NFXL1: variants seen among roughly 807,000 people sequenced by gnomAD.
The protein encoded by NFXL1 is nuclear transcription factor, X-box binding like 1, also known as NF-X1-type zinc finger protein NFXL1.
A neutral mutation model predicts 123.3 loss-of-function variants in NFXL1; 66 were observed. The observed-to-expected ratio is 0.54, with a 90% confidence interval of 0.44 to 0.66. NFXL1 has a LOEUF of 0.66. NFXL1 is among the 30% of genes least tolerant of loss of function. NFXL1 has a pLI of 0.00. For synonymous variants in NFXL1, 346 were observed against 360.8 expected (o/e 0.96, Z 0.46); for missense variants, 944 against 1,125.6 (o/e 0.84, Z 2.31).
At chr4:47,859,872 AAAC>A (rs1387023312) in intron 19 of NFXL1, among the ~76,000 whole-genome samples, 4 of 38,396 alleles carry the variant, frequency 1.0e-4, no homozygotes, top group Admixed American at 3.4e-4. Context: ...AAAAAAAAAC[AAAC>A]AAACAAAAAA....
intron 20 of NFXL1, among the ~76,000 whole-genome samples, chr4:47,854,322 T>TA (rs1734283882): frequency 6.6e-6 from 1 of 152,174 alleles, no homozygotes; most frequent in African/African-American, 2.4e-5. Context: ...AAAAAGGAGT[T>TA]ACGACTATAA....
chr4:47,893,852 G>C (rs1736919457), intron 11 of NFXL1, among the ~76,000 whole-genome samples: 1 of 151,796 alleles, frequency 6.6e-6, no homozygotes, highest in African/African-American at 2.4e-5. Context: ...CAAAAGTAAA[G>C]ACAATGTATT....
chr4:47,869,347 T>G (rs1735293426), intron 18 of NFXL1, among the ~76,000 whole-genome samples: 1 of 152,170 alleles, frequency 6.6e-6, no homozygotes, highest in Admixed American at 6.5e-5. Context: ...AAATCTTATA[T>G]CCTGATTTTA....
intron 3 of NFXL1, among the ~76,000 whole-genome samples, 170 bp downstream of exon 3, chr4:47,910,654 T>G (rs1232265891): frequency 6.6e-6 from 1 of 152,194 alleles, no homozygotes; most frequent in Non-Finnish European, 1.5e-5. Flanking sequence ...AAAATTAGTG[T>G]TACACAATAT....
Position 47,898,708 on chromosome 4 carries a change from G to A in NFXL1, c.1089+49C>T, listed in dbSNP as rs201707795. ...CCTTGCTGCTTTCTAGGTTGTCTAT[G>A]CTTTCTGTACTCTTTAATACCCACC... On this transcript the variant is annotated intron_variant, in intron 8 of 22. Coordinates refer to ENST00000507489, the MANE Select transcript of NFXL1 (RefSeq NM_001278624.2). The A allele has an allele frequency of 4.8e-5, 59 of 1,233,150 alleles. No individual in the cohort carries two copies. The African/African-American group carries it at 8.1e-4, about 17-fold the overall frequency. 76.4% of individuals were successfully genotyped at this position (1,233,150 alleles called of 1,614,324 possible). A position where few individuals can be genotyped will look rare whatever the true frequency, so the allele number is the denominator to read the frequency against.
chr4:47,881,863 C>T (rs1179525133), intron 15 of NFXL1, among the ~76,000 whole-genome samples: 2 of 151,994 alleles, frequency 1.3e-5, no homozygotes, highest in African/African-American at 2.4e-5. Flanking sequence ...TACATGGTTG[C>T]TAGGAGTTTG....
chr4:47,904,804 A>G (rs1665560832), intron 4 of NFXL1, among the ~76,000 whole-genome samples: 1 of 152,206 alleles, frequency 6.6e-6, no homozygotes, highest in Non-Finnish European at 1.5e-5. Context: ...ACTGACCCTC[A>G]CCACTTCCCA....
Position 47,885,736 on chromosome 4 carries a change from A to T in NFXL1, c.1665-79T>A, listed in dbSNP as rs867655829. 1.0e-5 allele frequency: 14 copies of T among 1,379,596 alleles called. No individual in the cohort carries two copies. In the Middle Eastern group the frequency reaches 9.1e-4, roughly 90 times the overall value. The allele number at this position is 1,379,596 out of a possible 1,614,324, so 85.5% of individuals were successfully genotyped here. ...ATCTAAAGGACAATTATCTATTTAC[A>T]TATCTTCTGATTCCATATAGAATGA... On this transcript the variant is annotated intron_variant, in intron 13 of 22. Transcript: ENST00000507489.
chr4:47,858,257 C>G (rs1734521550), intron 19 of NFXL1, among the ~76,000 whole-genome samples: 1 of 152,158 alleles, frequency 6.6e-6, no homozygotes, highest in Admixed American at 6.6e-5. Context: ...GAACTTTCAT[C>G]AATGGGAAGT....
At chr4:47,869,462 C>G (rs1735300804) in intron 18 of NFXL1, among the ~76,000 whole-genome samples, 1 of 152,088 alleles carries the variant, frequency 6.6e-6, no homozygotes, top group Non-Finnish European at 1.5e-5. Context: ...ATATTACAAA[C>G]ACATGCTCTG....
At chr4:47,911,968 AT>A (rs1737849165) in intron 2 of NFXL1, among the ~76,000 whole-genome samples, 1 of 152,224 alleles carries the variant, frequency 6.6e-6, no homozygotes, top group Admixed American at 6.5e-5. Context: ...CTATTTTAAA[AT>A]TAACATTATA....
chr4:47,894,192 T>G lies in NFXL1; in HGVS notation c.1440A>C (p.Gln480His). The G allele has an allele frequency of 6.2e-7, 1 of 1,602,896 alleles. No homozygotes were observed. The highest frequency in any genetic ancestry group is 1.3e-5 in the African/African-American group (1 of 74,588). ...TTAATACACAAACCTTTCTTCTACATTGATGCTTCTGACAGTCACGCATCT... is the reference window on the plus strand; with the variant it reads ...TTAATACACAAACCTTTCTTCTACAGTGATGCTTCTGACAGTCACGCATCT... ...CVKMRDCQKHQCRRKCCPGNC... is the reference protein window; with the variant it reads ...CVKMRDCQKHHCRRKCCPGNC... Residue 480 changes from glutamine (Q) to histidine (H), a missense_variant, in exon 11 of 23, where the codon CAA (glutamine) becomes CAC (histidine). Transcript: ENST00000507489.
chr4:47,897,812 T>C (rs1050655480), intron 9 of NFXL1, among the ~76,000 whole-genome samples, 155 bp downstream of exon 9: 2 of 152,132 alleles, frequency 1.3e-5, no homozygotes, highest in African/African-American at 4.8e-5. Context: ...TTCCAGAATG[T>C]CATATAGTTG....
rs567040650 is a variant in NFXL1, at chr4:47,914,370, G to T, written c.-8C>A. The T allele has an allele frequency of 3.6e-6, 2 of 557,654 alleles. No individual in the cohort carries two copies. Among genetic ancestry groups the T allele is most frequent in the East Asian group, 5.9e-5 (2 of 33,630 alleles). The allele number at this position is 557,654 out of a possible 1,614,324, so 34.5% of individuals were successfully genotyped here. A position where few individuals can be genotyped will look rare whatever the true frequency, so the allele number is the denominator to read the frequency against. On this transcript the variant is annotated 5_prime_UTR_variant, in exon 1 of 23. Transcript: ENST00000507489. ...GGTCGCGGCCCTGCCTTTACCGGAGGGCGAGTCCCCGCCAAGCCCGGGCTT... is the reference window on the plus strand; with the variant it reads ...GGTCGCGGCCCTGCCTTTACCGGAGTGCGAGTCCCCGCCAAGCCCGGGCTT...
At chr4:47,885,039 G>T (rs923409379) in intron 14 of NFXL1, among the ~76,000 whole-genome samples, 1 of 151,240 alleles carries the variant, frequency 6.6e-6, no homozygotes. Flanking sequence ...AGGCACGAGA[G>T]TCACTGAACC....
chr4:47,895,449 T>C (rs1164903053), intron 10 of NFXL1, among the ~76,000 whole-genome samples: 1 of 152,204 alleles, frequency 6.6e-6, no homozygotes, highest in Non-Finnish European at 1.5e-5. Context: ...ATCAATTACC[T>C]TAGCTAGATC....
At position 47,913,906 on chromosome 4, in the gene NFXL1, G is replaced by A. The variant is rs1472212566; in HGVS notation, c.235+63C>T. The A allele has an allele frequency of 6.2e-5, 74 of 1,196,368 alleles. No individual in the cohort carries two copies. The Middle Eastern group carries it at 1.3e-3, about 22-fold the overall frequency. The allele number at this position is 1,196,368 out of a possible 1,614,324, so 74.1% of individuals were successfully genotyped here. A position where few individuals can be genotyped will look rare whatever the true frequency, so the allele number is the denominator to read the frequency against. On this transcript the variant is annotated intron_variant, in intron 2 of 22. Coordinates refer to ENST00000507489, the MANE Select transcript of NFXL1 (RefSeq NM_001278624.2). ...AAGAAAGAAGGCGAGGGCGGAGGCG[G>A]TCCTGACTAGTAACTGCCTTAGGAG...
intron 12 of NFXL1, among the ~76,000 whole-genome samples, chr4:47,886,753 C>A (rs1736456097): frequency 6.6e-6 from 1 of 152,150 alleles, no homozygotes. Flanking sequence ...AACTTCTGTT[C>A]TAAATAACAA....
At chr4:47,873,014 C>G (rs899758413) in intron 18 of NFXL1, among the ~76,000 whole-genome samples, 1 of 152,186 alleles carries the variant, frequency 6.6e-6, no homozygotes. Context: ...TATTCTAAAT[C>G]CTAATCCTTT....
Sources: allele counts gnomAD v4.1 joint callset (sites outside exome capture counted in the v4.1 genomes callset), GRCh38; gene constraint gnomAD v4.1.1; transcripts MANE v1.5; gene names NCBI Gene and HGNC (gene_info 2026-07-23, HGNC 2026-07-21).